The following ARFIP1 variants were observed in gnomAD, a reference collection of about 807,000 sequenced individuals.
The protein encoded by ARFIP1 is arfaptin-1.
Under a neutral mutation model 42.5 loss-of-function variants are expected in ARFIP1, and 24 were observed. The ratio of observed to expected loss-of-function variants is 0.57; its 90% confidence interval spans 0.41 to 0.80. ARFIP1 has a LOEUF of 0.80. Ranked by LOEUF, ARFIP1 falls within the 30% of genes least tolerant of loss-of-function variation. The pLI, the probability that ARFIP1 is intolerant of heterozygous loss-of-function variation, is 0.00. For synonymous variants in ARFIP1, 141 were observed against 153.7 expected, an observed-to-expected ratio of 0.92 and a Z score of 0.61; for missense variants, 354 against 434.0, an observed-to-expected ratio of 0.82 and a Z score of 1.64.
intron 1 of ARFIP1, among the ~76,000 whole-genome samples, chr4:152,827,454 T>A (rs1317288622): frequency 6.6e-6 from 1 of 152,182 alleles, no homozygotes; most frequent in Non-Finnish European, 1.5e-5. Context: ...GGGTTCATTC[T>A]TGGTGTTGTA....
intron 2 of ARFIP1, among the ~76,000 whole-genome samples, chr4:152,833,521 CA>C (rs1263676998): frequency 1.3e-5 from 2 of 152,090 alleles, no homozygotes; most frequent in Admixed American, 1.3e-4. Context: ...GGTATATATT[CA>C]AAGGAAATTA....
At chr4:152,834,469 C>T (rs1265640322) in intron 2 of ARFIP1, among the ~76,000 whole-genome samples, 1 of 152,184 alleles carries the variant, frequency 6.6e-6, no homozygotes, top group Admixed American at 6.5e-5. Flanking sequence ...ATGGTAGTAC[C>T]GGTATTAGGT....
chr4:152,797,170 G>A (rs1731521216), intron 1 of ARFIP1, among the ~76,000 whole-genome samples: 1 of 152,118 alleles, frequency 6.6e-6, no homozygotes, highest in Non-Finnish European at 1.5e-5. Context: ...GATAGAGATC[G>A]AATTTTATAT....
intron 8 of ARFIP1, among the ~76,000 whole-genome samples, chr4:152,906,087 G>A (rs1738337227): frequency 6.6e-6 from 1 of 151,956 alleles, no homozygotes; most frequent in Non-Finnish European, 1.5e-5. Flanking sequence ...AGTTTTTGTA[G>A]CTTTAGCCCT....
In ARFIP1 at chr4:152,851,384, A is replaced by G. The variant is rs531690012; in HGVS notation, c.94-12222A>G. On this transcript the variant is annotated intron_variant, in intron 2 of 8. Transcript: ENST00000353617. ...GACCTAGCCAGATAAAGGGTGAAAA[A>G]TATTCTCATCAGAAGCAACTGTAAC... Among the ~76,000 whole-genome samples the G allele has an allele frequency of 1.5e-4, 23 of 152,310 alleles. No individual in the cohort carries two copies. In the South Asian group the frequency reaches 3.5e-3, roughly 23 times the overall value.
chr4:152,906,158 T>C (rs1325290815), intron 8 of ARFIP1, among the ~76,000 whole-genome samples: 1 of 152,114 alleles, frequency 6.6e-6, no homozygotes, highest in East Asian at 1.9e-4. Flanking sequence ...GATACAAGGG[T>C]CAAGGTTCAT....
At chr4:152,892,245 A>G (rs928423106) in intron 8 of ARFIP1, among the ~76,000 whole-genome samples, 5 of 152,168 alleles carry the variant, frequency 3.3e-5, no homozygotes, top group East Asian at 1.9e-4. Context: ...TGAAACATCA[A>G]TGAATGTGCT....
intron 8 of ARFIP1, among the ~76,000 whole-genome samples, chr4:152,892,798 G>A (rs1316349683): frequency 2.0e-5 from 3 of 152,238 alleles, no homozygotes; most frequent in South Asian, 4.1e-4. Flanking sequence ...ATTTAGTTGT[G>A]TTTGCCTTTA....
intron 1 of ARFIP1, among the ~76,000 whole-genome samples, chr4:152,829,035 A>C (rs564702110): frequency 1.4e-4 from 22 of 152,288 alleles, no homozygotes; most frequent in Middle Eastern, 6.8e-3. Flanking sequence ...TGACTACATT[A>C]ATGTGGGTCT....
chr4:152,786,280 A>G (rs1457645500), intron 1 of ARFIP1, among the ~76,000 whole-genome samples: 1 of 152,188 alleles, frequency 6.6e-6, no homozygotes, highest in Non-Finnish European at 1.5e-5. Context: ...CCTTTCTTGA[A>G]TATCTTAAAG....
intron 2 of ARFIP1, among the ~76,000 whole-genome samples, chr4:152,851,026 A>C (rs1732934604): frequency 6.6e-6 from 1 of 152,214 alleles, no homozygotes; most frequent in Admixed American, 6.5e-5. Context: ...ATTTAACATA[A>C]GTGTTTTAGT....
At chr4:152,870,300 T>C (rs1734770552) in intron 3 of ARFIP1, among the ~76,000 whole-genome samples, 1 of 152,258 alleles carries the variant, frequency 6.6e-6, no homozygotes, top group African/African-American at 2.4e-5. Flanking sequence ...ACATTTCTTA[T>C]AAGAGATATG....
At chr4:152,905,542 A>ATTGTTT (rs1738248606) in intron 8 of ARFIP1, among the ~76,000 whole-genome samples, 2 of 45,956 alleles carry the variant, frequency 4.4e-5, no homozygotes, top group Non-Finnish European at 8.5e-5. Context: ...AATTGTAAGA[A>ATTGTTT]TTGTTTTTTT....
At chr4:152,816,594 A>C (rs894013032) in intron 1 of ARFIP1, among the ~76,000 whole-genome samples, 1 of 152,268 alleles carries the variant, frequency 6.6e-6, no homozygotes, top group African/African-American at 2.4e-5. Flanking sequence ...CATGACCATG[A>C]ACATTTATGA....
At chr4:152,877,637 C>T (rs1316912738) in intron 5 of ARFIP1, among the ~76,000 whole-genome samples, 4 of 151,694 alleles carry the variant, frequency 2.6e-5, no homozygotes, top group Admixed American at 6.6e-5. Context: ...TTTGAAGGGG[C>T]CAGGGGTGGA....
intron 5 of ARFIP1, among the ~76,000 whole-genome samples, chr4:152,874,446 A>C (rs910756550): frequency 1.3e-5 from 2 of 152,224 alleles, no homozygotes; most frequent in Non-Finnish European, 2.9e-5. Context: ...TGTGGAGTTA[A>C]TAGTCCAGTG....
chr4:152,900,257 A>C (rs1737712011), intron 8 of ARFIP1, among the ~76,000 whole-genome samples: 1 of 152,084 alleles, frequency 6.6e-6, no homozygotes, highest in African/African-American at 2.4e-5. Flanking sequence ...AGGTGAGAAA[A>C]TCTCCGCACT....
chr4:152,864,506 A>G (rs113523369), intron 3 of ARFIP1, among the ~76,000 whole-genome samples: 2,420 of 152,266 alleles, frequency 0.016, 62 homozygotes, highest in African/African-American at 0.055. Flanking sequence ...TTAATCACAC[A>G]GGAATTGCTT....
intron 8 of ARFIP1, among the ~76,000 whole-genome samples, chr4:152,905,086 T>C (rs1349630701): frequency 6.6e-6 from 1 of 152,200 alleles, no homozygotes; most frequent in Non-Finnish European, 1.5e-5. Flanking sequence ...AATACGCCAT[T>C]CTGACTGGCA....
Sources: allele counts gnomAD v4.1 joint callset (sites outside exome capture counted in the v4.1 genomes callset), GRCh38; gene constraint gnomAD v4.1.1; transcripts MANE v1.5; gene names NCBI Gene and HGNC (gene_info 2026-07-23, HGNC 2026-07-21).